Variants in TDRD5 observed in about 807,000 individuals in gnomAD.
TDRD5 encodes the protein tudor domain-containing protein 5.
In TDRD5, 41 loss-of-function variants were observed where a neutral mutation model predicts 120.6. The observed-to-expected ratio is 0.34, with a 90% CI of 0.26 to 0.44. The LOEUF (loss-of-function observed/expected upper bound fraction) is 0.44, where lower values mean the gene tolerates loss of function less well. Ranked by LOEUF, TDRD5 falls within the 20% of genes least tolerant of loss-of-function variation. The pLI is 1.00. For synonymous variants in TDRD5, 430 were observed against 433.7 expected (o/e 0.99, Z 0.11); for missense variants, 1,006 against 1,221.2 (o/e 0.82, Z 2.63).
intron 17 of TDRD5, among the ~76,000 whole-genome samples, chr1:179,677,046 T>A (rs1216648658): frequency 2.6e-5 from 4 of 152,168 alleles, no homozygotes; most frequent in East Asian, 1.9e-4. Flanking sequence ...TTCATTTTTT[T>A]AAATTATTTT....
intron 17 of TDRD5, among the ~76,000 whole-genome samples, chr1:179,685,669 C>G (rs995461517): frequency 1.3e-5 from 2 of 152,342 alleles, no homozygotes; most frequent in South Asian, 2.1e-4. Context: ...TCTTCCTATC[C>G]ATGAGCATGG....
At chr1:179,640,129 C>T in intron 10 of TDRD5, 78 bp downstream of exon 10, 1 of 1,461,084 alleles carries the variant, frequency 6.8e-7, no homozygotes, top group East Asian at 2.3e-5. Flanking sequence ...GTTGGGATCT[C>T]TCTTTTCTCT....
chr1:179,651,110 T>A (rs765418562), intron 12 of TDRD5, 43 bp downstream of exon 12: 13 of 1,594,334 alleles, frequency 8.2e-6, no homozygotes, highest in Non-Finnish European at 1.1e-5. Flanking sequence ...TTTGTTTAAT[T>A]TCACCACGTC....
intron 17 of TDRD5, among the ~76,000 whole-genome samples, chr1:179,680,218 G>A (rs986376638): frequency 6.6e-6 from 1 of 152,078 alleles, no homozygotes; most frequent in Non-Finnish European, 1.5e-5. Context: ...ATAGCCTACA[G>A]TATGCTCTAT....
chr1:179,613,107 C>T (rs1468310313), intron 4 of TDRD5, among the ~76,000 whole-genome samples: 1 of 152,046 alleles, frequency 6.6e-6, no homozygotes, highest in Non-Finnish European at 1.5e-5. Context: ...TTAGTTTGCA[C>T]CTAACTTTTA....
chr1:179,639,882 C>T lies in TDRD5; in HGVS notation c.1564C>T (p.Pro522Ser). ...GCTGGTTTCTGATCGATATGTCATG[C>T]CAGAATGTTTTATTCAGCCGGGACA... ...NQLVSDRYVM[P>S]ECFIQPGHLC... Residue 522 changes from proline (P) to serine (S), a missense_variant, in exon 10 of 18, where the codon CCA becomes TCA. By Grantham distance (74) the Pro-to-Ser change is moderately conservative. This residue lies in a region of TDRD5 where 158 missense variants were observed against 257.5 expected (regional missense o/e 0.61). Transcript: ENST00000444136. The T allele has an allele frequency of 1.2e-6, 2 of 1,614,056 alleles. No homozygotes were observed. Among genetic ancestry groups the T allele is most frequent in the Non-Finnish European group, 1.7e-6 (2 of 1,179,992 alleles).
rs35624250 is a variant in TDRD5, at chr1:179,620,894, CA to C, written c.916-132del. ...TTTTTTAAAACTGGAAACTCATTTT[CA>C]AAAAAAAACAATTTAATATGACTAA... is the stretch of plus-strand genomic sequence containing the variant. On this transcript the variant is annotated intron_variant, in intron 5 of 17. Coordinates refer to ENST00000444136, the MANE Select transcript of TDRD5 (RefSeq NM_001199085.3). 4.2e-4 allele frequency: 245 copies of C among 580,896 alleles called. 1 individual carries two copies. The highest frequency in any genetic ancestry group is 1.9e-3 in the South Asian group (59 of 30,502). The allele number at this position is 580,896 out of a possible 1,614,324, so 36.0% of individuals were successfully genotyped here. A position where few individuals can be genotyped will look rare whatever the true frequency, so the allele number is the denominator to read the frequency against.
At chr1:179,676,366 G>A (rs1301174258) in intron 17 of TDRD5, among the ~76,000 whole-genome samples, 6 of 152,176 alleles carry the variant, frequency 3.9e-5, no homozygotes, top group Admixed American at 1.3e-4. Flanking sequence ...TTAGTATTGA[G>A]ATGTGAGGTA....
chr1:179,654,311 A>G lies in TDRD5; in HGVS notation c.2271A>G (p.Glu757=), dbSNP rs1200423184. The change falls in exon 14 of 18, where the codon GAA becomes GAG. Residue 757 remains glutamate, a synonymous_variant. Coordinates refer to ENST00000444136, the MANE Select transcript of TDRD5 (RefSeq NM_001199085.3). ...AAACCTGTAATAAGAGCTTTGAAGA[A>G]GATCCAAAGTGGTCCAACCCAGAAC... The part of the protein sequence containing the change: ...SLKTCNKSFE[E]DPKWSNPEPN... 6.5e-7 allele frequency: 1 copy of G among 1,549,670 alleles called. No individual in the cohort carries two copies. The highest frequency in any genetic ancestry group is 2.0e-5 in the Admixed American group (1 of 50,948).
chr1:179,690,674 T>A, intron 17 of TDRD5, 22 bp from the exon 18 acceptor site: 2 of 1,608,318 alleles, frequency 1.2e-6, no homozygotes, highest in Non-Finnish European at 1.7e-6. Flanking sequence ...GAAAAGATGT[T>A]TGTGTACTCT....
intron 13 of TDRD5, 65 bp from the exon 14 acceptor site, chr1:179,654,136 G>C: frequency 4.5e-6 from 6 of 1,331,488 alleles, no homozygotes; most frequent in East Asian, 2.6e-5. Context: ...AAAATGTATA[G>C]GCATGTAGAT....
intron 4 of TDRD5, among the ~76,000 whole-genome samples, chr1:179,612,897 T>C (rs72706725): frequency 0.1 from 15,333 of 148,586 alleles, 872 homozygotes; most frequent in African/African-American, 0.14. Context: ...GACTGTGCCA[T>C]TGCACTGCAG....
chr1:179,607,980 T>C (rs1676069751), intron 4 of TDRD5, among the ~76,000 whole-genome samples: 1 of 152,014 alleles, frequency 6.6e-6, no homozygotes, highest in Admixed American at 6.6e-5. Context: ...CTGCTAGTGG[T>C]GTATATTCTT....
At chr1:179,596,971 T>C (rs1024364826) in intron 4 of TDRD5, among the ~76,000 whole-genome samples, 1 of 152,234 alleles carries the variant, frequency 6.6e-6, no homozygotes, top group East Asian at 1.9e-4. Context: ...TTTGGGATTG[T>C]CAGTTTTAAA....
At chr1:179,637,285 G>A (rs1677812939) in intron 9 of TDRD5, among the ~76,000 whole-genome samples, 1 of 152,102 alleles carries the variant, frequency 6.6e-6, no homozygotes, top group Non-Finnish European at 1.5e-5. Flanking sequence ...TGGGACATTT[G>A]TACGTGTTTT....
At chr1:179,689,793 A>G (rs1475321494) in intron 17 of TDRD5, among the ~76,000 whole-genome samples, 2 of 152,156 alleles carry the variant, frequency 1.3e-5, no homozygotes, top group Non-Finnish European at 2.9e-5. Context: ...CTTGCAGTTC[A>G]ATCTCAGACT....
chr1:179,645,801 C>A (rs995565937), intron 11 of TDRD5, among the ~76,000 whole-genome samples: 4 of 152,046 alleles, frequency 2.6e-5, no homozygotes, highest in African/African-American at 9.7e-5. Context: ...ATCTTCCTGG[C>A]AGACTGAATG....
chr1:179,673,761 GC>G (rs35866995), intron 17 of TDRD5, among the ~76,000 whole-genome samples: 42,382 of 152,022 alleles, frequency 0.28, 6,169 homozygotes, highest in East Asian at 0.41. Context: ...AGGCAGGTTT[GC>G]CCTAAGCAGT....
intron 4 of TDRD5, among the ~76,000 whole-genome samples, chr1:179,604,242 A>T (rs1017894424): frequency 6.6e-6 from 1 of 151,656 alleles, no homozygotes; most frequent in Non-Finnish European, 1.5e-5. Context: ...TCATTTCTTG[A>T]TGAGGTTATT....
Sources: allele counts gnomAD v4.1 joint callset (sites outside exome capture counted in the v4.1 genomes callset), GRCh38; gene constraint gnomAD v4.1.1; regional missense constraint gnomAD v4.1.1; transcripts MANE v1.5; gene names NCBI Gene and HGNC (gene_info 2026-07-23, HGNC 2026-07-21).